TMEM221: variants seen among roughly 807,000 people sequenced by gnomAD.
TMEM221 encodes the protein transmembrane protein 221.
TMEM221 carries 11 observed loss-of-function variants against 10.2 expected under a neutral mutation model. The ratio of observed to expected loss-of-function variants is 1.08; its 90% CI spans 0.68 to 1.79. TMEM221 has a LOEUF of 1.79. Ranked by LOEUF, TMEM221 falls within the 40% of genes most tolerant of loss-of-function variation. The probability of loss-of-function intolerance (pLI) is 0.00; values close to 1 mark genes in which losing one functional copy is unlikely to be tolerated. For synonymous variants in TMEM221, 172 were observed against 199.8 expected (o/e 0.86, Z 1.18); for missense variants, 382 against 417.7 (o/e 0.91, Z 0.75).
intron 2 of TMEM221, among the ~76,000 whole-genome samples, chr19:17,438,449 C>A (rs1409925421): frequency 6.6e-6 from 1 of 152,076 alleles, no homozygotes; most frequent in Non-Finnish European, 1.5e-5. Flanking sequence ...GTCTCCAATT[C>A]CTGAGCGCAA....
chr19:17,446,661 C>G (rs2074954275), intron 1 of TMEM221, among the ~76,000 whole-genome samples: 1 of 152,070 alleles, frequency 6.6e-6, no homozygotes, highest in Non-Finnish European at 1.5e-5. Flanking sequence ...TCCCAAAGTC[C>G]TATCTCCTCT....
chr19:17,441,122 C>T (rs1055858188), intron 2 of TMEM221, among the ~76,000 whole-genome samples: 9 of 150,344 alleles, frequency 6.0e-5, no homozygotes, highest in Admixed American at 1.3e-4. Context: ...GGAGGAGAAT[C>T]GCTTGAATCT....
intron 1 of TMEM221, among the ~76,000 whole-genome samples, chr19:17,445,581 T>C (rs926522486): frequency 2.0e-5 from 3 of 152,006 alleles, no homozygotes; most frequent in Non-Finnish European, 4.4e-5. Flanking sequence ...TATCCACCCA[T>C]TCACCCATTT....
chr19:17,448,109 C>T lies in TMEM221; in HGVS notation c.320+34G>A, dbSNP rs1164978212. ...CAACCAGGCTCACCCAGCCCCCAGC[C>T]GGGCCTCCGAGGCGGTGAGGCCAGT... is the stretch of plus-strand genomic sequence containing the variant. On this transcript the variant is annotated intron_variant, in intron 1 of 2. Transcript: ENST00000341130. The surrounding 1 kb of genome is among the most constrained non-coding windows in gnomAD (Gnocchi z 4.7). The T allele has an allele frequency of 7.6e-7, 1 of 1,319,228 alleles. No individual in the cohort carries two copies. The highest frequency in any genetic ancestry group is 1.9e-5 in the South Asian group (1 of 52,986). The allele number at this position is 1,319,228 out of a possible 1,614,324, so 81.7% of individuals were successfully genotyped here.
chr19:17,439,064 G>A (rs1395883795), intron 2 of TMEM221, among the ~76,000 whole-genome samples: 4 of 151,840 alleles, frequency 2.6e-5, no homozygotes, highest in East Asian at 2.0e-4. Context: ...AAAATTAGCC[G>A]ATCGTGGTGG....
chr19:17,436,647 G>T lies in TMEM221; in HGVS notation c.687C>A (p.Pro229=). ...PYSTCPEPGD[P]FGSMATATAP... Reference sequence around the variant, plus strand: ...CTGTGGCAGTGGCCATGGACCCAAAGGGGTCCCCAGGCTCTGGACAGGTTG... The same window carrying T: ...CTGTGGCAGTGGCCATGGACCCAAATGGGTCCCCAGGCTCTGGACAGGTTG... Residue 229 remains proline (P), a synonymous_variant, in exon 3 of 3, where the codon CCC becomes CCA. Transcript: ENST00000341130. 6.5e-7 allele frequency: 1 copy of T among 1,536,046 alleles called. No homozygotes were observed. The highest frequency in any genetic ancestry group is 1.2e-5 in the South Asian group (1 of 84,036).
chr19:17,448,216 AC>A lies in TMEM221; in HGVS notation c.246del (p.Phe83SerfsTer52). 7.2e-7 allele frequency: 1 copy of A among 1,392,688 alleles called. No homozygotes were observed. 86.3% of individuals were successfully genotyped at this position (1,392,688 alleles called of 1,614,324 possible). On this transcript the variant is annotated frameshift_variant, in exon 1 of 3. Transcript: ENST00000341130. LOFTEE classifies it high-confidence loss of function. This position sits in a 1 kb window ranked among gnomAD's most constrained non-coding sequence, Gnocchi z 4.7. ...AALAALVLVL[G>X]FTCLLLAALC... Reference sequence around the variant, plus strand: ...AGCGCGGCGAGCAGCAAGCAGGTGAACCCCAGCACGAGCACCAGCGCGGCCA... The same window carrying A: ...AGCGCGGCGAGCAGCAAGCAGGTGAACCCAGCACGAGCACCAGCGCGGCCA...
chr19:17,447,817 C>T (rs890925063), intron 1 of TMEM221, among the ~76,000 whole-genome samples: 1 of 152,194 alleles, frequency 6.6e-6, no homozygotes, highest in African/African-American at 2.4e-5. Context: ...ACTTCCAAGC[C>T]AGACAGCCTG....
chr19:17,440,630 T>G (rs896096743), intron 2 of TMEM221, among the ~76,000 whole-genome samples: 1 of 152,138 alleles, frequency 6.6e-6, no homozygotes, highest in South Asian at 2.1e-4. Context: ...ATTGGGAGAC[T>G]GAGGCAGGAG....
At chr19:17,438,086 A>AT (rs71162128) in intron 2 of TMEM221, among the ~76,000 whole-genome samples, 2,057 of 113,772 alleles carry the variant, frequency 0.018, 57 homozygotes, top group African/African-American at 0.055. Flanking sequence ...TGCCTGGCTA[A>AT]TTTTTTTTTT....
chr19:17,448,323 T>TCGGCGCGCAGCCCCC lies in TMEM221; in HGVS notation c.125_139dup (p.Ala46_Glu47insGlyGlyLeuArgAla). 1 of 1,277,422 alleles carries TCGGCGCGCAGCCCCC rather than the reference T, an allele frequency of 7.8e-7. No homozygotes were observed. The highest frequency in any genetic ancestry group is 9.9e-7 in the Non-Finnish European group (1 of 1,013,110). The allele number at this position is 1,277,422 out of a possible 1,614,324, so 79.1% of individuals were successfully genotyped here. ...GGCGCCCAGCTCCTGGCCCAGCCCC[T>TCGGCGCGCAGCCCCC]CGGCGCGCAGCCCCCGCAGCTCGGC... On this transcript the variant is annotated inframe_insertion, in exon 1 of 3. Coordinates refer to ENST00000341130, the MANE Select transcript of TMEM221 (RefSeq NM_001190844.2). This position sits in a 1 kb window ranked among gnomAD's most constrained non-coding sequence, Gnocchi z 4.7.
chr19:17,448,293 G>A lies in TMEM221; in HGVS notation c.170C>T (p.Pro57Leu). The change falls in exon 1 of 3, where the codon CCC becomes CTC. Residue 57 changes from proline (P) to leucine (L), a missense_variant. By Grantham distance (98) the Pro-to-Leu change is moderately conservative (BLOSUM62 -3). Coordinates refer to ENST00000341130, the MANE Select transcript of TMEM221 (RefSeq NM_001190844.2). The surrounding 1 kb of genome is among the most constrained non-coding windows in gnomAD (Gnocchi z 4.7). ...CCCGGCCGCGTCCTCTGGCAGCCCG[G>A]GGCCGGCGCCCAGCTCCTGGCCCAG... The part of the protein sequence containing the change: ...EGLGQELGAG[P>L]GLPEDAAGTL... The A allele has an allele frequency of 8.2e-7, 1 of 1,216,306 alleles. No individual in the cohort carries two copies. Among genetic ancestry groups the A allele is most frequent in the Non-Finnish European group, 1.0e-6 (1 of 978,978 alleles). 75.3% of individuals were successfully genotyped at this position (1,216,306 alleles called of 1,614,324 possible).
rs2074963034 is a variant in TMEM221 at position 17,448,623 on chromosome 19, G to A, written c.-161C>T. ...GGGACTGGGCTGGGGGTCGCCAGAC[G>A]GACGGGGGCTCCGGGGTGCTGGTCG... is the stretch of plus-strand genomic sequence containing the variant. On this transcript the variant is annotated 5_prime_UTR_variant, in exon 1 of 3. Coordinates refer to ENST00000341130, the MANE Select transcript of TMEM221 (RefSeq NM_001190844.2). This position sits in a 1 kb window ranked among gnomAD's most constrained non-coding sequence, Gnocchi z 4.7. 4.7e-6 allele frequency: 2 copies of A among 429,056 alleles called. No individual in the cohort carries two copies. Among genetic ancestry groups the A allele is most frequent in the African/African-American group, 2.1e-5 (1 of 48,206 alleles). 26.6% of individuals were successfully genotyped at this position (429,056 alleles called of 1,614,324 possible).
In TMEM221 at chr19:17,436,082, G is replaced by A. The variant is rs2074906897; in HGVS notation, c.*376C>T. ...AGACACTTAGAGAATCACTGCCTAA[G>A]CCCCCCGCTCCCCTTATGCCTGTAA... On this transcript the variant is annotated 3_prime_UTR_variant, in exon 3 of 3. Coordinates refer to ENST00000341130, the MANE Select transcript of TMEM221 (RefSeq NM_001190844.2). 1 of 175,412 alleles carries A rather than the reference G, an allele frequency of 5.7e-6. No homozygotes were observed. Among genetic ancestry groups the A allele is most frequent in the Non-Finnish European group, 1.2e-5 (1 of 83,844 alleles). 10.9% of individuals were successfully genotyped at this position (175,412 alleles called of 1,614,324 possible).
At chr19:17,437,022 GC>G (rs2074912501) in intron 2 of TMEM221, 95 bp from the exon 3 acceptor site, 1 of 940,030 alleles carries the variant, frequency 1.1e-6, no homozygotes, top group African/African-American at 1.7e-5. Context: ...ATTACGAAAA[GC>G]CCTGCCACAT....
intron 2 of TMEM221, among the ~76,000 whole-genome samples, chr19:17,441,735 T>G (rs1011371490): frequency 6.6e-6 from 1 of 152,020 alleles, no homozygotes; most frequent in Non-Finnish European, 1.5e-5. Context: ...TTTGGCACTT[T>G]CCAGGCTGTT....
intron 2 of TMEM221, among the ~76,000 whole-genome samples, chr19:17,444,172 C>T (rs536525185): frequency 2.0e-5 from 3 of 150,344 alleles, no homozygotes; most frequent in South Asian, 4.2e-4. Context: ...ACCTCTGCCC[C>T]CTGGTTCAAG....
At chr19:17,441,958 C>G (rs1024154081) in intron 2 of TMEM221, among the ~76,000 whole-genome samples, 5 of 152,006 alleles carry the variant, frequency 3.3e-5, no homozygotes, top group African/African-American at 1.2e-4. Context: ...GTCACCTAGC[C>G]TCAAAAACAA....
intron 1 of TMEM221, among the ~76,000 whole-genome samples, chr19:17,445,624 A>ATCCATT (rs1221691250): frequency 6.6e-6 from 1 of 151,652 alleles, no homozygotes; most frequent in Non-Finnish European, 1.5e-5. Flanking sequence ...CCATCCATCC[A>ATCCATT]TATGCCCATT....
Sources: allele counts gnomAD v4.1 joint callset (sites outside exome capture counted in the v4.1 genomes callset), GRCh38; gene constraint gnomAD v4.1.1; non-coding constraint Gnocchi (gnomAD v3.1); transcripts MANE v1.5; gene names NCBI Gene and HGNC (gene_info 2026-07-23, HGNC 2026-07-21).